ERO1A: variants seen among roughly 807,000 people sequenced by gnomAD.
The protein encoded by ERO1A is endoplasmic reticulum oxidoreductase 1 alpha.
ERO1A carries 49 observed loss-of-function variants against 76.9 expected under a neutral mutation model. The observed-to-expected ratio is 0.64, with a 90% CI of 0.51 to 0.81. The LOEUF (loss-of-function observed/expected upper bound fraction) is 0.81. ERO1A is among the 30% of genes least tolerant of loss of function. The pLI is 0.00. For synonymous variants in ERO1A, 174 were observed against 181.2 expected (o/e 0.96, Z 0.32); for missense variants, 448 against 542.1 (o/e 0.83, Z 1.72).
chr14:52,678,532 T>C (rs2040880346), intron 3 of ERO1A, 60 bp from the exon 4 acceptor site: 1 of 1,414,156 alleles, frequency 7.1e-7, no homozygotes, highest in East Asian at 2.3e-5. Context: ...AAAACATATC[T>C]TAAATTTCTG....
At chr14:52,691,291 A>G (rs80158564) in intron 1 of ERO1A, among the ~76,000 whole-genome samples, 4,296 of 152,322 alleles carry the variant, frequency 0.028, 226 homozygotes, top group African/African-American at 0.098. Context: ...CACACCAGGT[A>G]GTAGGCACCA....
intron 15 of ERO1A, among the ~76,000 whole-genome samples, chr14:52,645,830 C>T (rs981208169): frequency 1.4e-5 from 2 of 142,568 alleles, no homozygotes; most frequent in Admixed American, 7.3e-5. Flanking sequence ...ATGGTGAAAC[C>T]GTGTTTCTAC....
rs76880703 is a variant in ERO1A, at chr14:52,657,875, A to G, written c.808+42T>C. 8.9e-4 allele frequency: 1,234 copies of G among 1,381,498 alleles called. 1 individual carries two copies. Among genetic ancestry groups the G allele is most frequent in the Non-Finnish European group, 1.2e-3 (1,164 of 996,690 alleles). The allele number at this position is 1,381,498 out of a possible 1,614,324, so 85.6% of individuals were successfully genotyped here. ...GCCAGGAAAATTTTAAGAATATCTAAAATTAAGAGTGGTAGACTGAATAAA... is the reference window on the plus strand; with the variant it reads ...GCCAGGAAAATTTTAAGAATATCTAGAATTAAGAGTGGTAGACTGAATAAA... On this transcript the variant is annotated intron_variant, in intron 11 of 15. Transcript: ENST00000395686.
intron 8 of ERO1A, 139 bp downstream of exon 8, chr14:52,663,662 C>T (rs1189004393): frequency 1.1e-5 from 6 of 527,644 alleles, no homozygotes; most frequent in East Asian, 6.4e-5. Context: ...TCTCTGCAAG[C>T]GTGAGGCATA....
chr14:52,694,122 G>A (rs555440645), intron 1 of ERO1A, among the ~76,000 whole-genome samples: 4 of 151,700 alleles, frequency 2.6e-5, no homozygotes, highest in Non-Finnish European at 5.9e-5. Flanking sequence ...TCTTCTTTCC[G>A]TAAAGAATAT....
chr14:52,657,161 T>C (rs2040078740), intron 11 of ERO1A, among the ~76,000 whole-genome samples: 1 of 152,180 alleles, frequency 6.6e-6, no homozygotes, highest in Admixed American at 6.5e-5. Context: ...TTCCTAGAAA[T>C]TTCTGCATAA....
At chr14:52,659,137 A>G (rs2040147492) in intron 9 of ERO1A, among the ~76,000 whole-genome samples, 2 of 152,194 alleles carry the variant, frequency 1.3e-5, no homozygotes, top group African/African-American at 2.4e-5. Flanking sequence ...CAAAGGGATT[A>G]GATCCTAAAT....
rs909898229 is a variant in ERO1A at position 52,640,998 on chromosome 14, A to G, written c.*2572T>C. On this transcript the variant is annotated 3_prime_UTR_variant, in exon 16 of 16. Coordinates refer to ENST00000395686, the MANE Select transcript of ERO1A (RefSeq NM_014584.3). The stretch of plus-strand genomic sequence containing the variant: ...GGTGTTGTGATTAAGAGAGAAAAAA[A>G]AAATGGAGGTCTGAGGAATAACATT... 1.3e-5 allele frequency: 2 copies of G among 152,154 alleles called. No individual in the cohort carries two copies. The highest frequency in any genetic ancestry group is 2.9e-5 in the Non-Finnish European group (2 of 68,042). The allele number at this position is 152,154 out of a possible 1,614,324, so 9.4% of individuals were successfully genotyped here.
intron 4 of ERO1A, among the ~76,000 whole-genome samples, chr14:52,673,533 C>T (rs1409703274): frequency 6.6e-6 from 1 of 152,138 alleles, no homozygotes; most frequent in Non-Finnish European, 1.5e-5. Flanking sequence ...AAAAACCAAT[C>T]AATACTACTG....
At chr14:52,644,596 ATAT>A (rs1410312164) in intron 15 of ERO1A, among the ~76,000 whole-genome samples, 16 of 152,202 alleles carry the variant, frequency 1.1e-4, no homozygotes, top group African/African-American at 3.9e-4. Context: ...CGTATGCTTA[ATAT>A]TAAAGTACGT....
At position 52,679,989 on chromosome 14, in the gene ERO1A, G is replaced by A. The variant is rs184681253; in HGVS notation, c.319-1517C>T. Reference sequence around the variant, plus strand: ...GTGAGAGGACTGCTTAGGCCCAGGAGGCAGAGGTTGCAGTGAGCCAAGATC... The same window carrying A: ...GTGAGAGGACTGCTTAGGCCCAGGAAGCAGAGGTTGCAGTGAGCCAAGATC... On this transcript the variant is annotated intron_variant, in intron 3 of 15. Coordinates refer to ENST00000395686, the MANE Select transcript of ERO1A (RefSeq NM_014584.3). 1.2e-3 allele frequency among the ~76,000 whole-genome samples: 188 copies of A among 151,256 alleles called. 1 individual carries two copies. The highest frequency in any genetic ancestry group is 4.5e-3 in the African/African-American group (184 of 41,268).
At chr14:52,674,393 C>CG (rs1214277671) in intron 4 of ERO1A, among the ~76,000 whole-genome samples, 2 of 152,014 alleles carry the variant, frequency 1.3e-5, no homozygotes, top group Non-Finnish European at 2.9e-5. Context: ...GAGATGGGGT[C>CG]TCACAATGTT....
At chr14:52,680,163 A>C (rs2040946211) in intron 3 of ERO1A, among the ~76,000 whole-genome samples, 4 of 151,254 alleles carry the variant, frequency 2.6e-5, no homozygotes, top group African/African-American at 9.7e-5. Context: ...GCAGAAGCTT[A>C]AAATTACTGG....
At chr14:52,694,299 G>A (rs2041469461) in intron 1 of ERO1A, among the ~76,000 whole-genome samples, 1 of 152,048 alleles carries the variant, frequency 6.6e-6, no homozygotes, top group Admixed American at 6.6e-5. Context: ...CAGTTGTAAA[G>A]TAGCAATTTT....
In ERO1A at chr14:52,695,444, C is replaced by G; in HGVS notation, c.38G>C (p.Gly13Ala). ...GCCCGAGCTGAGCAGCCACACGGCG[C>G]CCAGGAGGCCAAACAAGAATCCCCA... ...RGWGFLFGLLGAVWLLSSGHG... is the reference protein window; with the variant it reads ...RGWGFLFGLLAAVWLLSSGHG... The change falls in exon 1 of 16, where the codon GGC becomes GCC. Residue 13 changes from glycine (G) to alanine (A), a missense_variant. Physicochemically the swap from Gly to Ala is moderately conservative, Grantham distance 60 (BLOSUM62 0). Transcript: ENST00000395686. 6.5e-7 allele frequency: 1 copy of G among 1,549,226 alleles called. No homozygotes were observed. Among genetic ancestry groups the G allele is most frequent in the African/African-American group, 1.4e-5 (1 of 71,844 alleles).
rs2039540223 is a variant in ERO1A, at chr14:52,643,428, TAAAAC to T, written c.*137_*141del. On this transcript the variant is annotated 3_prime_UTR_variant, in exon 16 of 16. Coordinates refer to ENST00000395686, the MANE Select transcript of ERO1A (RefSeq NM_014584.3). The stretch of plus-strand genomic sequence containing the variant: ...CACAATTTTTAAAAATGTGTTTACT[TAAAAC>T]AATATAATTCTCCTTTACAAAAGCA... The T allele has an allele frequency of 7.6e-6, 4 of 525,662 alleles. No individual in the cohort carries two copies. The highest frequency in any genetic ancestry group is 1.3e-5 in the Non-Finnish European group (4 of 303,402). The allele number at this position is 525,662 out of a possible 1,614,324, so 32.6% of individuals were successfully genotyped here. A position where few individuals can be genotyped will look rare whatever the true frequency, so the allele number is the denominator to read the frequency against.
intron 6 of ERO1A, among the ~76,000 whole-genome samples, chr14:52,669,675 T>A (rs1223703629): frequency 6.6e-6 from 1 of 152,074 alleles, no homozygotes; most frequent in Admixed American, 6.6e-5. Context: ...AAACATATAC[T>A]CACACTAAAT....
At chr14:52,660,529 A>C (rs897240447) in intron 9 of ERO1A, among the ~76,000 whole-genome samples, 26 of 152,254 alleles carry the variant, frequency 1.7e-4, no homozygotes, top group African/African-American at 6.3e-4. Flanking sequence ...GTTCTGAGTC[A>C]GCATTTTATT....
intron 1 of ERO1A, among the ~76,000 whole-genome samples, chr14:52,692,464 A>T (rs1202441759): frequency 6.6e-6 from 1 of 152,254 alleles, no homozygotes; most frequent in Non-Finnish European, 1.5e-5. Context: ...GACAGGCAAC[A>T]GGAAGAAAAG....
Sources: gnomAD v4.1 joint callset for allele counts (sites outside exome capture counted in the v4.1 genomes callset) on GRCh38, gnomAD v4.1.1 for gene constraint, MANE v1.5 for transcripts, NCBI Gene and HGNC (gene_info 2026-07-23, HGNC 2026-07-21) for gene names.